Variants in CDH18 observed in about 807,000 individuals in gnomAD.
The protein encoded by CDH18 is cadherin-18.
Under a neutral mutation model 67.9 loss-of-function variants are expected in CDH18, and 31 were observed. The observed-to-expected ratio is 0.46, with a 90% CI of 0.34 to 0.62. The LOEUF is 0.62. Ranked by LOEUF, CDH18 falls within the 20% of genes least tolerant of loss-of-function variation. CDH18 has a pLI of 0.01. For synonymous variants in CDH18, 362 were observed against 347.2 expected (o/e 1.04, Z -0.48); for missense variants, 890 against 975.5 (o/e 0.91, Z 1.17).
chr5:20,468,380 C>A (rs572480637), intron 1 of CDH18, among the ~76,000 whole-genome samples: 4 of 152,148 alleles, frequency 2.6e-5, no homozygotes, highest in Non-Finnish European at 5.9e-5. Context: ...AAGGATGCCA[C>A]GCTGGCATCT....
rs2126488117 is a variant in CDH18 at position 19,473,313 on chromosome 5, C to A, written c.2286G>T (p.Gln762His). Residue 762 changes from glutamine (Q) to histidine (H), a missense_variant, in exon 13 of 13, where the codon CAG becomes CAT. Gln to His is a conservative substitution (Grantham distance 24, BLOSUM62 0). Transcript: ENST00000382275. Reference protein sequence around the residue: ...SLDSATTQSDQDYHYLGDWGP... With the variant: ...SLDSATTQSDHDYHYLGDWGP... ...CCCAGTCTCCAAGGTAGTGATAATC[C>A]TGGTCTGATTGTGTCGTTGCTGAAT... 1 of 1,613,800 alleles carries A rather than the reference C, an allele frequency of 6.2e-7. No individual in the cohort carries two copies. Among genetic ancestry groups the A allele is most frequent in the Non-Finnish European group, 8.5e-7 (1 of 1,179,868 alleles).
intron 11 of CDH18, among the ~76,000 whole-genome samples, chr5:19,493,575 G>A (rs1486849): frequency 0.29 from 43,487 of 147,794 alleles, 6,353 homozygotes; most frequent in South Asian, 0.39. Context: ...TGTGTAAAGC[G>A]TTTGTCTTCA....
intron 5 of CDH18, among the ~76,000 whole-genome samples, chr5:19,674,928 G>A (rs535620778): frequency 4.6e-5 from 7 of 152,066 alleles, no homozygotes; most frequent in African/African-American, 7.2e-5. Context: ...CATTTATCAC[G>A]GGAAATTCAG....
chr5:20,096,713 C>T (rs1463652465), intron 2 of CDH18, among the ~76,000 whole-genome samples: 1 of 151,732 alleles, frequency 6.6e-6, no homozygotes, highest in Non-Finnish European at 1.5e-5. Flanking sequence ...CTGCCTTTTG[C>T]TAAAAAGGAT....
chr5:19,785,603 G>A (rs1277719196), intron 3 of CDH18, among the ~76,000 whole-genome samples: 2 of 129,392 alleles, frequency 1.5e-5, no homozygotes, highest in East Asian at 2.6e-4. Context: ...GCAGTAAGCC[G>A]AGATCATGCC....
intron 2 of CDH18, among the ~76,000 whole-genome samples, chr5:19,913,679 T>C (rs1579564123): frequency 6.6e-6 from 1 of 151,950 alleles, no homozygotes; most frequent in Admixed American, 6.6e-5. Flanking sequence ...ATGATATCTA[T>C]CTAAAAAAAA....
chr5:19,936,307 C>G (rs538686216), intron 2 of CDH18, among the ~76,000 whole-genome samples: 1 of 151,182 alleles, frequency 6.6e-6, no homozygotes, highest in African/African-American at 2.4e-5. Context: ...AGTTAAAGAG[C>G]ACTTTCTTTT....
rs552256302 is a variant in CDH18 at position 19,650,354 on chromosome 5, C to G, written c.644-37753G>C. The stretch of plus-strand genomic sequence containing the variant: ...GCACTAATATTAGAAATATAAATAA[C>G]CACAACAGTCACTTTTGTTAACTAA... On this transcript the variant is annotated intron_variant, in intron 5 of 12. Transcript: ENST00000382275. 5.3e-5 allele frequency among the ~76,000 whole-genome samples: 8 copies of G among 152,052 alleles called. No homozygotes were observed. In the East Asian group the frequency reaches 1.4e-3, roughly 26 times the overall value.
intron 5 of CDH18, among the ~76,000 whole-genome samples, chr5:19,627,669 A>T (rs1052555175): frequency 2.6e-5 from 4 of 152,218 alleles, no homozygotes; most frequent in African/African-American, 7.2e-5. Context: ...ATACACTTAT[A>T]TACATGCATA....
At chr5:20,302,686 A>G (rs762631597) in intron 1 of CDH18, among the ~76,000 whole-genome samples, 8 of 152,224 alleles carry the variant, frequency 5.3e-5, no homozygotes, top group Non-Finnish European at 1.0e-4. Flanking sequence ...AAGCCACTGT[A>G]CCGTCCGCAA....
chr5:19,790,240 A>G (rs1776218611), intron 3 of CDH18, among the ~76,000 whole-genome samples: 3 of 152,146 alleles, frequency 2.0e-5, no homozygotes, highest in Non-Finnish European at 4.4e-5. Context: ...CCTAGTCAAC[A>G]TACTATAAGG....
chr5:20,394,088 A>T (rs1745091197), intron 1 of CDH18, among the ~76,000 whole-genome samples: 1 of 151,968 alleles, frequency 6.6e-6, no homozygotes, highest in African/African-American at 2.4e-5. Flanking sequence ...TCCCAAAAGT[A>T]CCTGAATAGC....
At chr5:19,879,401 A>T (rs1787377322) in intron 2 of CDH18, among the ~76,000 whole-genome samples, 1 of 151,592 alleles carries the variant, frequency 6.6e-6, no homozygotes. Context: ...CCATATTTAT[A>T]AGGAAATGAT....
intron 2 of CDH18, among the ~76,000 whole-genome samples, chr5:19,993,247 T>A (rs1024744792): frequency 6.6e-6 from 1 of 152,158 alleles, no homozygotes; most frequent in Admixed American, 6.5e-5. Context: ...AACCAAAACC[T>A]GTGAATATGA....
chr5:19,700,083 A>T (rs1431815133), intron 5 of CDH18, among the ~76,000 whole-genome samples: 1 of 152,160 alleles, frequency 6.6e-6, no homozygotes, highest in East Asian at 1.9e-4. Flanking sequence ...TCGTCTTTCG[A>T]AAGAGTAAGA....
intron 4 of CDH18, among the ~76,000 whole-genome samples, chr5:19,741,249 G>A (rs13168808): frequency 2.6e-5 from 2 of 77,108 alleles, no homozygotes; most frequent in East Asian, 4.2e-4. Context: ...ATATATGTAT[G>A]TATATATGTA....
At chr5:19,771,281 T>G (rs962840445) in intron 3 of CDH18, among the ~76,000 whole-genome samples, 6 of 152,144 alleles carry the variant, frequency 3.9e-5, no homozygotes, top group Non-Finnish European at 7.3e-5. Flanking sequence ...CTTGGAAATA[T>G]AGGTTATAAA....
chr5:19,785,669 AAAAAAAAAAAAT>A (rs1775644372), intron 3 of CDH18, among the ~76,000 whole-genome samples: 1 of 66,640 alleles, frequency 1.5e-5, no homozygotes, highest in African/African-American at 6.7e-5. Flanking sequence ...AAAAAAAAAA[AAAAAAAAAAAAT>A]ATATATATAT....
At chr5:19,637,775 C>T (rs1277754206) in intron 5 of CDH18, among the ~76,000 whole-genome samples, 1 of 152,092 alleles carries the variant, frequency 6.6e-6, no homozygotes, top group Admixed American at 6.5e-5. Context: ...TCTTGCTTTT[C>T]CTCACCCAAC....
Sources: gnomAD v4.1 joint callset for allele counts (sites outside exome capture counted in the v4.1 genomes callset) on GRCh38, gnomAD v4.1.1 for gene constraint, MANE v1.5 for transcripts, NCBI Gene and HGNC (gene_info 2026-07-23, HGNC 2026-07-21) for gene names.